ANKRD31: variants seen among roughly 807,000 people sequenced by gnomAD.
ANKRD31 encodes ankyrin repeat domain-containing protein 31.
In ANKRD31, 147 loss-of-function variants were observed where a neutral mutation model predicts 186.0. That is an observed-to-expected ratio of 0.79 (90% CI 0.69 to 0.91). ANKRD31 has a LOEUF of 0.91. Among genes scored for constraint, ANKRD31 ranks in the 40% least tolerant of loss-of-function variants. The probability of loss-of-function intolerance (pLI) is 0.00; values close to 1 mark genes in which losing one functional copy is unlikely to be tolerated. For synonymous variants in ANKRD31, 673 were observed against 736.4 expected (o/e 0.91, Z 1.39); for missense variants, 1,986 against 2,148.8 (o/e 0.92, Z 1.50).
At chr5:75,228,207 C>T (rs1468065550) in intron 2 of ANKRD31, among the ~76,000 whole-genome samples, 3 of 152,168 alleles carry the variant, frequency 2.0e-5, no homozygotes, top group Non-Finnish European at 4.4e-5. Context: ...CCCACTTTCT[C>T]CATTAGTAGC....
rs761488690 is a variant in ANKRD31, at chr5:75,169,080, G to A, written c.1606C>T (p.Arg536Trp). Residue 536 changes from arginine (R) to tryptophan (W), a missense_variant, in exon 11 of 26, where the codon CGG (arginine) becomes TGG (tryptophan). Coordinates refer to ENST00000506364, the MANE Select transcript of ANKRD31 (RefSeq NM_001372053.1). ...CCTTTTAATAGTTCACTTGCTGTCC[G>A]ATAAAATCCTCCTACACTAGCTTCA... is the stretch of plus-strand genomic sequence containing the variant. ...LHEASVGGFY[R>W]TASELLKGGA... The A allele has an allele frequency of 1.7e-5, 26 of 1,536,854 alleles. No homozygotes were observed. The highest frequency in any genetic ancestry group is 1.7e-4 in the Middle Eastern group (1 of 5,988).
At chr5:75,116,739 T>C (rs1255977448) in intron 18 of ANKRD31, 58 bp from the exon 19 acceptor site, 15 of 1,059,734 alleles carry the variant, frequency 1.4e-5, no homozygotes, top group Non-Finnish European at 1.9e-5. Context: ...AGTTTCATTT[T>C]TCAGTTTTAA....
intron 19 of ANKRD31, among the ~76,000 whole-genome samples, chr5:75,113,865 G>A (rs988904774): frequency 6.6e-6 from 1 of 152,112 alleles, no homozygotes; most frequent in Non-Finnish European, 1.5e-5. Flanking sequence ...GGTTATAAAA[G>A]CAAACAAAAG....
At chr5:75,117,982 C>T (rs1473791165) in intron 18 of ANKRD31, among the ~76,000 whole-genome samples, 153 bp downstream of exon 18, 1 of 152,054 alleles carries the variant, frequency 6.6e-6, no homozygotes, top group Non-Finnish European at 1.5e-5. Flanking sequence ...TTGTAAATGC[C>T]AATTTCTAAA....
At chr5:75,080,501 T>C (rs1744998828) in intron 25 of ANKRD31, 67 bp downstream of exon 25, 1 of 1,095,506 alleles carries the variant, frequency 9.1e-7, no homozygotes, top group Non-Finnish European at 1.3e-6. Flanking sequence ...TTGATCTATT[T>C]GCACAATATG....
chr5:75,180,127 T>A (rs1754170386), intron 10 of ANKRD31, among the ~76,000 whole-genome samples: 1 of 152,140 alleles, frequency 6.6e-6, no homozygotes, highest in Non-Finnish European at 1.5e-5. Flanking sequence ...TGAACTCCCA[T>A]TCAAAATTGC....
chr5:75,087,638 GAA>G (rs1745604392), intron 23 of ANKRD31, among the ~76,000 whole-genome samples: 7 of 152,122 alleles, frequency 4.6e-5, no homozygotes, highest in Admixed American at 4.6e-4. Flanking sequence ...AAGGAAGAAA[GAA>G]TAATTGCTTT....
chr5:75,100,568 G>C (rs1384198501), intron 22 of ANKRD31, among the ~76,000 whole-genome samples: 2 of 152,126 alleles, frequency 1.3e-5, no homozygotes, highest in Non-Finnish European at 2.9e-5. Context: ...AAGTCTCTTT[G>C]TAGGTCTCTA....
intron 19 of ANKRD31, among the ~76,000 whole-genome samples, chr5:75,116,004 C>T (rs1748208982): frequency 6.6e-6 from 1 of 151,568 alleles, no homozygotes; most frequent in African/African-American, 2.4e-5. Flanking sequence ...GACTTGGAAC[C>T]AACCCAAATG....
At chr5:75,220,328 C>CA (rs1757208791) in intron 3 of ANKRD31, among the ~76,000 whole-genome samples, 1 of 152,004 alleles carries the variant, frequency 6.6e-6, no homozygotes, top group Non-Finnish European at 1.5e-5. Flanking sequence ...AATGTACAGG[C>CA]AAAAAGCAAC....
intron 25 of ANKRD31, among the ~76,000 whole-genome samples, chr5:75,078,051 T>C (rs1257308332): frequency 6.6e-6 from 1 of 152,146 alleles, no homozygotes; most frequent in African/African-American, 2.4e-5. Context: ...TTCTTCTCTT[T>C]CCTTTCCTGT....
In ANKRD31 at chr5:75,210,874, A is replaced by G. The variant is rs1385710552; in HGVS notation, c.289-9T>C. 6.6e-6 allele frequency: 9 copies of G among 1,369,616 alleles called. No homozygotes were observed. Among genetic ancestry groups the G allele is most frequent in the South Asian group, 1.5e-5 (1 of 64,950 alleles). The allele number at this position is 1,369,616 out of a possible 1,614,324, so 84.8% of individuals were successfully genotyped here. A position where few individuals can be genotyped will look rare whatever the true frequency, so the allele number is the denominator to read the frequency against. ...TCTGTTTCATCTTGAGACTGCTAGGAAAAAAAAAAGTTTTTTCCAACTGAT... is the reference window on the plus strand; with the variant it reads ...TCTGTTTCATCTTGAGACTGCTAGGGAAAAAAAAAGTTTTTTCCAACTGAT... On this transcript the variant is annotated splice_polypyrimidine_tract_variant and intron_variant, in intron 3 of 25. Transcript: ENST00000506364.
chr5:75,071,884 C>T (rs750921963), intron 25 of ANKRD31, among the ~76,000 whole-genome samples: 5 of 152,148 alleles, frequency 3.3e-5, no homozygotes, highest in Admixed American at 6.5e-5. Flanking sequence ...AGTTCCTAGA[C>T]GTGGTGCCAA....
chr5:75,110,993 C>T (rs557336176), intron 20 of ANKRD31, among the ~76,000 whole-genome samples: 7 of 150,918 alleles, frequency 4.6e-5, no homozygotes, highest in South Asian at 2.1e-4. Context: ...GAAGATAATA[C>T]GTGTGGAAAA....
rs1177252852 is a variant in ANKRD31 at position 75,104,467 on chromosome 5, C to A, written c.5092G>T (p.Ala1698Ser). 3.9e-6 allele frequency: 6 copies of A among 1,537,242 alleles called. No homozygotes were observed. In the Admixed American group the frequency reaches 1.2e-4, roughly 30 times the overall value. ...TGCACTGTATCACTGCCTAAGACAG[C>A]AATCCCTTGATGTGCCAGAGATTCT... ...ASESLAHQGI[A>S]VLGSDTVHQM... Residue 1698 changes from alanine (A) to serine (S), a missense_variant, in exon 22 of 26, where the codon GCT becomes TCT. By Grantham distance (99) the Ala-to-Ser change is moderately conservative. Coordinates refer to ENST00000506364, the MANE Select transcript of ANKRD31 (RefSeq NM_001372053.1).
At chr5:75,131,004 A>G (rs1408671276) in intron 17 of ANKRD31, among the ~76,000 whole-genome samples, 2 of 152,230 alleles carry the variant, frequency 1.3e-5, no homozygotes, top group East Asian at 3.9e-4. Context: ...CCACAAAGAG[A>G]GAACGGTGGT....
chr5:75,202,715 T>C (rs1755896891), intron 5 of ANKRD31, among the ~76,000 whole-genome samples: 1 of 152,230 alleles, frequency 6.6e-6, no homozygotes, highest in South Asian at 2.1e-4. Flanking sequence ...CAGTCAACTA[T>C]AAAAGCTAAC....
At chr5:75,175,921 G>A (rs779435364) in intron 10 of ANKRD31, among the ~76,000 whole-genome samples, 15 of 152,068 alleles carry the variant, frequency 9.9e-5, no homozygotes, top group African/African-American at 1.5e-4. Context: ...TGTGTGAGCC[G>A]AAGCAGGGTG....
At chr5:75,092,853 A>T (rs2150034203) in intron 22 of ANKRD31, among the ~76,000 whole-genome samples, 1 of 152,302 alleles carries the variant, frequency 6.6e-6, no homozygotes, top group Middle Eastern at 3.4e-3. Flanking sequence ...AATTAAAGAC[A>T]TTAAGTAAGG....
Sources: gnomAD v4.1 joint callset for allele counts (sites outside exome capture counted in the v4.1 genomes callset) on GRCh38, gnomAD v4.1.1 for gene constraint, MANE v1.5 for transcripts, NCBI Gene and HGNC (gene_info 2026-07-23, HGNC 2026-07-21) for gene names.